OTUD7A: variants seen among roughly 807,000 people sequenced by gnomAD.
OTUD7A encodes the protein OTU deubiquitinase 7A, also known as OTU domain-containing protein 7A.
A neutral mutation model predicts 65.7 loss-of-function variants in OTUD7A; 12 were observed. The ratio of observed to expected loss-of-function variants is 0.18; its 90% CI spans 0.12 to 0.30. The LOEUF is 0.30. Among genes scored for constraint, OTUD7A ranks in the 10% least tolerant of loss-of-function variants. The probability of loss-of-function intolerance (pLI) is 1.00; values close to 1 mark genes in which losing one functional copy is unlikely to be tolerated. For synonymous variants in OTUD7A, 641 were observed against 586.3 expected (o/e 1.09, Z -1.35); for missense variants, 1,148 against 1,304.8 (o/e 0.88, Z 1.85).
chr15:31,655,704 G>C (rs1891970885), intron 2 of OTUD7A, among the ~76,000 whole-genome samples: 2 of 152,136 alleles, frequency 1.3e-5, no homozygotes, highest in Admixed American at 1.3e-4. Flanking sequence ...TTTTGACATA[G>C]CAGCCCAGAT....
intron 1 of OTUD7A, among the ~76,000 whole-genome samples, chr15:31,816,284 T>G (rs1442905931): frequency 6.6e-6 from 1 of 152,248 alleles, no homozygotes; most frequent in Non-Finnish European, 1.5e-5. Flanking sequence ...AAGGAGATAT[T>G]TGATTCCTTC....
intron 5 of OTUD7A, among the ~76,000 whole-genome samples, chr15:31,544,259 C>A (rs891899672): frequency 6.6e-6 from 1 of 151,432 alleles, no homozygotes; most frequent in Non-Finnish European, 1.5e-5. Context: ...AAATTAATAA[C>A]CTTAAATACT....
At chr15:31,865,086 A>C (rs1204866851) in intron 1 of OTUD7A, among the ~76,000 whole-genome samples, 2 of 152,224 alleles carry the variant, frequency 1.3e-5, no homozygotes, top group African/African-American at 4.8e-5. Flanking sequence ...GTGAGCTGGA[A>C]GCATGTCTCA....
intron 3 of OTUD7A, among the ~76,000 whole-genome samples, chr15:31,624,112 T>G (rs900840401): frequency 3.3e-5 from 5 of 152,262 alleles, no homozygotes; most frequent in Non-Finnish European, 5.9e-5. Flanking sequence ...ATACATTTGA[T>G]GTTAAAAAGC....
intron 1 of OTUD7A, among the ~76,000 whole-genome samples, chr15:31,781,527 T>C (rs181632897): frequency 2.3e-4 from 35 of 152,342 alleles, no homozygotes; most frequent in Admixed American, 2.2e-3. Context: ...CATGCAAACA[T>C]ATTTTGAAAC....
At chr15:31,513,937 T>C (rs1444849014) in intron 8 of OTUD7A, among the ~76,000 whole-genome samples, 2 of 152,220 alleles carry the variant, frequency 1.3e-5, no homozygotes, top group African/African-American at 4.8e-5. Flanking sequence ...AATCCATTAG[T>C]GTGATTATGT....
In OTUD7A at chr15:31,549,135, CAAAAAAA is replaced by C. The variant is rs568463366; in HGVS notation, c.550+9827_550+9833del. ...TGGGAGACAGAGCGAGGCCTTGTCT[CAAAAAAA>C]AAAAAAAAAAAAAAAGTAGAATTCA... On this transcript the variant is annotated intron_variant, in intron 5 of 12. Transcript: ENST00000307050. Among the ~76,000 whole-genome samples, 527 of 65,070 alleles carry C rather than the reference CAAAAAAA, an allele frequency of 8.1e-3. 2 individuals carry two copies. The highest frequency in any genetic ancestry group is 0.013 in the Non-Finnish European group (367 of 27,288). 42.7% of individuals were successfully genotyped at this position (65,070 alleles called of 152,430 possible). A position where few individuals can be genotyped will look rare whatever the true frequency, so the allele number is the denominator to read the frequency against.
intron 3 of OTUD7A, among the ~76,000 whole-genome samples, chr15:31,583,968 T>C (rs546348902): frequency 1.5e-4 from 23 of 152,330 alleles, no homozygotes; most frequent in South Asian, 4.1e-4. Context: ...CAGAATTTCA[T>C]ACTGGAAATG....
chr15:31,565,796 ACT>A (rs1888850262), intron 4 of OTUD7A, among the ~76,000 whole-genome samples: 2 of 152,036 alleles, frequency 1.3e-5, no homozygotes. Context: ...TACTTGAATA[ACT>A]CTCTCTCAAT....
At chr15:31,642,309 G>A (rs560154058) in intron 3 of OTUD7A, among the ~76,000 whole-genome samples, 3 of 152,194 alleles carry the variant, frequency 2.0e-5, no homozygotes, top group Admixed American at 6.5e-5. Flanking sequence ...TGCCAAATTC[G>A]ATTTGCTAAA....
intron 8 of OTUD7A, among the ~76,000 whole-genome samples, chr15:31,511,392 TATATATGTATATCTATATGTAACACACAC>T (rs1555391836): frequency 6.9e-4 from 3 of 4,376 alleles, no homozygotes; most frequent in Non-Finnish European, 9.5e-4. Flanking sequence ...ATGTAACACA[TATATATGTATATCTATATGTAACACACAC>T]ATATATGTAT....
intron 1 of OTUD7A, among the ~76,000 whole-genome samples, chr15:31,860,775 G>A (rs1475560995): frequency 6.9e-6 from 1 of 145,758 alleles, no homozygotes; most frequent in African/African-American, 2.5e-5. Flanking sequence ...GTGCAATCTC[G>A]GCTCATTGCA....
chr15:31,588,354 T>C (rs1174635495), intron 3 of OTUD7A, among the ~76,000 whole-genome samples: 1 of 152,134 alleles, frequency 6.6e-6, no homozygotes, highest in African/African-American at 2.4e-5. Context: ...GGTGCAGACA[T>C]GCATGGCAAC....
At chr15:31,533,916 A>G (rs1887712442) in intron 5 of OTUD7A, among the ~76,000 whole-genome samples, 1 of 152,228 alleles carries the variant, frequency 6.6e-6, no homozygotes, top group African/African-American at 2.4e-5. Flanking sequence ...AGAAGCAAAA[A>G]GGCAGGTAAG....
intron 1 of OTUD7A, among the ~76,000 whole-genome samples, chr15:31,812,159 CGT>C (rs1595786430): frequency 6.6e-6 from 1 of 152,270 alleles, no homozygotes; most frequent in East Asian, 1.9e-4. Context: ...AGCCTCAACC[CGT>C]GCATCACATG....
intron 4 of OTUD7A, among the ~76,000 whole-genome samples, chr15:31,569,317 C>T (rs1002936059): frequency 6.6e-6 from 1 of 152,176 alleles, no homozygotes; most frequent in Non-Finnish European, 1.5e-5. Flanking sequence ...ACAGAATCAC[C>T]ATGAATACAG....
chr15:31,637,921 G>C (rs556286174), intron 3 of OTUD7A, among the ~76,000 whole-genome samples: 1 of 152,218 alleles, frequency 6.6e-6, no homozygotes, highest in African/African-American at 2.4e-5. Flanking sequence ...GATGGAATCT[G>C]CTCCTGGTAA....
intron 1 of OTUD7A, among the ~76,000 whole-genome samples, chr15:31,788,827 A>G (rs538204204): frequency 7.9e-5 from 12 of 152,352 alleles, no homozygotes; most frequent in African/African-American, 2.9e-4. Context: ...TGTAGTTTAG[A>G]AAGAGCTTAC....
intron 1 of OTUD7A, among the ~76,000 whole-genome samples, chr15:31,775,066 G>A (rs1172021760): frequency 6.7e-6 from 1 of 148,644 alleles, no homozygotes; most frequent in Non-Finnish European, 1.5e-5. Flanking sequence ...ATGCACGTGT[G>A]TACGCTCCCA....
Sources: gnomAD v4.1 joint callset for allele counts (sites outside exome capture counted in the v4.1 genomes callset) on GRCh38, gnomAD v4.1.1 for gene constraint, MANE v1.5 for transcripts, NCBI Gene and HGNC (gene_info 2026-07-23, HGNC 2026-07-21) for gene names.